MDFIC2: variants seen among roughly 807,000 people sequenced by gnomAD.
The protein encoded by MDFIC2 is MyoD family inhibitor domain containing 2.
At chr3:70,302,762 A>T (rs530889674) in intron 2 of MDFIC2, 1 of 152,162 alleles carries the variant, frequency 6.6e-6, no homozygotes, top group Non-Finnish European at 1.5e-5. Flanking sequence ...GTGCTATTTA[A>T]CAACTTATCG....
At chr3:70,222,381 G>T (rs1463153944) in intron 2 of MDFIC2, among the ~76,000 whole-genome samples, 1 of 152,008 alleles carries the variant, frequency 6.6e-6, no homozygotes, top group African/African-American at 2.4e-5. Flanking sequence ...TTTTATTTTT[G>T]TCAAATGAGT....
chr3:70,297,667 C>T (rs976422291), intron 2 of MDFIC2, among the ~76,000 whole-genome samples: 20 of 151,920 alleles, frequency 1.3e-4, no homozygotes, highest in Non-Finnish European at 1.3e-4. Context: ...TTATGTAAAA[C>T]GAGGAGTTAA....
At chr3:70,303,848 AT>A (rs1183509404) in intron 2 of MDFIC2, among the ~76,000 whole-genome samples, 1 of 151,692 alleles carries the variant, frequency 6.6e-6, no homozygotes, top group Non-Finnish European at 1.5e-5. Flanking sequence ...TGCCTGTGTA[AT>A]TTTTTGTATT....
chr3:70,296,181 T>C (rs953692089), intron 2 of MDFIC2, among the ~76,000 whole-genome samples: 12 of 152,042 alleles, frequency 7.9e-5, no homozygotes, highest in Non-Finnish European at 1.5e-4. Context: ...AACGAATGAG[T>C]CTTTTACCCA....
At chr3:70,257,304 T>C (rs1008304951) in intron 2 of MDFIC2, among the ~76,000 whole-genome samples, 1 of 152,172 alleles carries the variant, frequency 6.6e-6, no homozygotes, top group Non-Finnish European at 1.5e-5. Flanking sequence ...AATTTGGTAA[T>C]GGAGATATTG....
chr3:70,250,385 A>T (rs1366594417), intron 2 of MDFIC2, among the ~76,000 whole-genome samples: 1 of 150,524 alleles, frequency 6.6e-6, no homozygotes, highest in Non-Finnish European at 1.5e-5. Flanking sequence ...TATTGACAAT[A>T]TTCGGTATTT....
At chr3:70,306,395 G>T (rs1371374677) in intron 2 of MDFIC2, among the ~76,000 whole-genome samples, 1 of 152,274 alleles carries the variant, frequency 6.6e-6, no homozygotes, top group Non-Finnish European at 1.5e-5. Context: ...ATAGGCATGA[G>T]CTACCTCACC....
intron 2 of MDFIC2, among the ~76,000 whole-genome samples, chr3:70,290,932 C>A (rs932146347): frequency 6.6e-6 from 1 of 152,112 alleles, no homozygotes; most frequent in South Asian, 2.1e-4. Context: ...GCACGGTGCG[C>A]GCACCCACTG....
chr3:70,261,012 G>T (rs183018006), intron 2 of MDFIC2, among the ~76,000 whole-genome samples: 1 of 152,036 alleles, frequency 6.6e-6, no homozygotes, highest in South Asian at 2.1e-4. Context: ...GAAAAATTCC[G>T]CTTGACATGA....
intron 2 of MDFIC2, among the ~76,000 whole-genome samples, chr3:70,254,092 C>G (rs756083146): frequency 7.2e-5 from 11 of 151,832 alleles, no homozygotes; most frequent in Non-Finnish European, 1.6e-4. Context: ...TTTTAATATT[C>G]TTTTCAGAGC....
chr3:70,280,325 A>G (rs143559081), intron 2 of MDFIC2, among the ~76,000 whole-genome samples: 2 of 152,290 alleles, frequency 1.3e-5, no homozygotes, highest in African/African-American at 4.8e-5. Flanking sequence ...AGTCACATCT[A>G]CGAAGACCCT....
intron 2 of MDFIC2, among the ~76,000 whole-genome samples, chr3:70,290,816 C>T (rs1219696633): frequency 2.0e-5 from 3 of 152,150 alleles, no homozygotes; most frequent in Admixed American, 1.3e-4. Context: ...GGGAGTGACC[C>T]GATTTTCCAG....
At chr3:70,255,007 C>T (rs6549308) in intron 2 of MDFIC2, among the ~76,000 whole-genome samples, 146,820 of 152,250 alleles carry the variant, frequency 0.96, 70,988 homozygotes, top group Non-Finnish European at 1. Flanking sequence ...TAGATTGTTC[C>T]TTATAATTTT....
intron 2 of MDFIC2, among the ~76,000 whole-genome samples, chr3:70,270,979 C>T (rs2106671447): frequency 6.6e-6 from 1 of 152,012 alleles, no homozygotes; most frequent in East Asian, 1.9e-4. Flanking sequence ...CACATGTATA[C>T]CTATATAACA....
chr3:70,215,851 C>T (rs974698139), intron 2 of MDFIC2, among the ~76,000 whole-genome samples: 7 of 152,058 alleles, frequency 4.6e-5, no homozygotes, highest in African/African-American at 1.7e-4. Flanking sequence ...ATGGACTCAT[C>T]CTTAGGGGAG....
chr3:70,208,524 A>G (rs955656111), intron 2 of MDFIC2, among the ~76,000 whole-genome samples: 2 of 152,090 alleles, frequency 1.3e-5, no homozygotes, highest in Non-Finnish European at 2.9e-5. Flanking sequence ...AAGCTCTGGT[A>G]TTCCCCTATT....
At chr3:70,303,548 A>G (rs1340925813) in intron 2 of MDFIC2, among the ~76,000 whole-genome samples, 2 of 152,132 alleles carry the variant, frequency 1.3e-5, no homozygotes, top group African/African-American at 4.8e-5. Context: ...CTACTCTTGC[A>G]TTTTCCAATA....
At chr3:70,242,475 T>C (rs565317111) in intron 2 of MDFIC2, among the ~76,000 whole-genome samples, 25 of 152,312 alleles carry the variant, frequency 1.6e-4, no homozygotes, top group African/African-American at 6.0e-4. Context: ...TTTGGGGCAG[T>C]TACTTGGACA....
chr3:70,236,576 A>G (rs551039586), intron 2 of MDFIC2, among the ~76,000 whole-genome samples: 1 of 152,270 alleles, frequency 6.6e-6, no homozygotes, highest in Admixed American at 6.5e-5. Context: ...TGGGGCCTGT[A>G]AATTGACCCT....
Sources: gnomAD v4.1 joint callset for allele counts (sites outside exome capture counted in the v4.1 genomes callset) on GRCh38, gnomAD v4.1.1 for gene constraint, MANE v1.5 for transcripts, NCBI Gene and HGNC (gene_info 2026-07-23, HGNC 2026-07-21) for gene names.